Variants in GSE1 observed in about 807,000 individuals in gnomAD.
GSE1 encodes the protein Gse1 coiled-coil protein.
A neutral mutation model predicts 112.6 loss-of-function variants in GSE1; 32 were observed. The ratio of observed to expected loss-of-function variants is 0.28; its 90% CI spans 0.21 to 0.38. The LOEUF (loss-of-function observed/expected upper bound fraction) is 0.38. Among genes scored for constraint, GSE1 ranks in the 10% least tolerant of loss-of-function variants. GSE1 has a pLI of 1.00. For missense variants in GSE1, 2,348 were observed against 1,699.2 expected, an observed-to-expected ratio of 1.38 and a Z score of -6.71; for synonymous variants, 1,115 against 735.6, an observed-to-expected ratio of 1.52 and a Z score of -8.35.
chr16:85,536,193 T>C (rs7498829), intron 2 of GSE1, among the ~76,000 whole-genome samples: 128,641 of 152,300 alleles, frequency 0.84, 54,472 homozygotes, highest in East Asian at 0.93. Flanking sequence ...GCTTCTGTGG[T>C]TGAAGGCCAG....
intron 1 of GSE1, among the ~76,000 whole-genome samples, chr16:85,342,945 A>T (rs2046656126): frequency 6.6e-6 from 1 of 151,678 alleles, no homozygotes; most frequent in Non-Finnish European, 1.5e-5. Context: ...GCCAGCAGAG[A>T]AAGCCGGGCA....
At chr16:85,441,562 G>A (rs1428878872) in intron 2 of GSE1, among the ~76,000 whole-genome samples, 2 of 152,202 alleles carry the variant, frequency 1.3e-5, no homozygotes, top group Admixed American at 6.5e-5. Context: ...GGCTGAAATC[G>A]CTTCAACCTG....
At chr16:85,364,888 C>T (rs1290906178) in intron 2 of GSE1, among the ~76,000 whole-genome samples, 12 of 152,204 alleles carry the variant, frequency 7.9e-5, no homozygotes, top group Admixed American at 5.9e-4. Context: ...TGAGACGGCA[C>T]GGGTCAGAGG....
At chr16:85,631,723 A>C (rs562973889) in intron 1 of GSE1, among the ~76,000 whole-genome samples, 2 of 152,320 alleles carry the variant, frequency 1.3e-5, no homozygotes, top group East Asian at 3.9e-4. Context: ...GAGTGACCTC[A>C]TGAGGTCAGC....
At chr16:85,269,787 C>T (rs951108326) in intron 1 of GSE1, among the ~76,000 whole-genome samples, 1 of 149,178 alleles carries the variant, frequency 6.7e-6, no homozygotes, top group Non-Finnish European at 1.5e-5. Context: ...CTCTGGGCTC[C>T]TCCCCTGGGG....
In GSE1 at chr16:85,331,355, G is replaced by GTA. The variant is rs1467067903; in HGVS notation, c.2284-26107_2284-26106insAT. On this transcript the variant is annotated intron_variant, in intron 1 of 2. Transcript: ENST00000637419. ...TGTGTGTGTGTGTGTGTGTGTGTGTGTGTGTGTGTGTATATATGTATATAT... is the reference window on the plus strand; with the variant it reads ...TGTGTGTGTGTGTGTGTGTGTGTGTGTATGTGTGTGTGTATATATGTATATAT... 4.2e-4 allele frequency among the ~76,000 whole-genome samples: 24 copies of GTA among 57,344 alleles called. 6 individuals are homozygous for GTA. Among genetic ancestry groups the GTA allele is most frequent in the Non-Finnish European group, 8.6e-4 (20 of 23,222 alleles). 37.6% of individuals were successfully genotyped at this position (57,344 alleles called of 152,430 possible).
chr16:85,363,765 T>C (rs532012435), intron 2 of GSE1, among the ~76,000 whole-genome samples: 85 of 143,272 alleles, frequency 5.9e-4, no homozygotes, highest in African/African-American at 2.1e-3. Flanking sequence ...AGCCTCTCCC[T>C]GTGGTCTGGG....
chr16:85,645,737 C>T (rs985560634), intron 2 of GSE1, among the ~76,000 whole-genome samples: 1 of 152,192 alleles, frequency 6.6e-6, no homozygotes, highest in African/African-American at 2.4e-5. Context: ...CAGGTCTGAA[C>T]AGAAGTCGGG....
intron 14 of GSE1, chr16:85,670,745 T>G: frequency 7.1e-6 from 2 of 283,522 alleles, no homozygotes; most frequent in Non-Finnish European, 1.3e-5. Context: ...TCCTAATCTG[T>G]ATCAAATTGC....
chr16:85,482,010 G>C (rs2050695799), intron 2 of GSE1, among the ~76,000 whole-genome samples: 1 of 152,270 alleles, frequency 6.6e-6, no homozygotes, highest in African/African-American at 2.4e-5. Context: ...GCCCCTTGCA[G>C]GCGGGCCATC....
intron 2 of GSE1, among the ~76,000 whole-genome samples, chr16:85,501,001 T>TTTTTTTTGTTTTTTTG (rs2051344311): frequency 8.0e-6 from 1 of 125,704 alleles, no homozygotes; most frequent in African/African-American, 3.4e-5. Context: ...CTGTTCTGTT[T>TTTTTTTTGTTTTTTTG]TTTTTTTTTT....
intron 1 of GSE1, among the ~76,000 whole-genome samples, chr16:85,331,661 A>ATGTGTGTG (rs1159802556): frequency 3.5e-5 from 3 of 85,344 alleles, no homozygotes; most frequent in Non-Finnish European, 6.6e-5. Context: ...ATATGTGTAT[A>ATGTGTGTG]TGTGTGTGTG....
rs538128516 is a variant in GSE1, at chr16:85,402,415, G to C, written c.2464+44772G>C. Among the ~76,000 whole-genome samples, 4 of 152,302 alleles carry C rather than the reference G, an allele frequency of 2.6e-5. No homozygotes were observed. In the East Asian group the frequency reaches 7.7e-4, roughly 29 times the overall value. The stretch of plus-strand genomic sequence containing the variant: ...GAAGGGAGCGCACAGCCTCAAGAAC[G>C]GGGCTGAGCGAATAGGGAAGGTCAT... On this transcript the variant is annotated intron_variant, in intron 2 of 2. Transcript: ENST00000637419.
At chr16:85,384,959 A>G (rs57711600) in intron 2 of GSE1, among the ~76,000 whole-genome samples, 2,118 of 152,378 alleles carry the variant, frequency 0.014, 33 homozygotes, top group African/African-American at 0.047. Flanking sequence ...CCAGCAGGTT[A>G]GCGTGCTGTG....
intron 2 of GSE1, among the ~76,000 whole-genome samples, chr16:85,636,270 G>A (rs1224431907): frequency 2.6e-5 from 4 of 152,218 alleles, no homozygotes; most frequent in African/African-American, 7.2e-5. Context: ...TGTGCCCATC[G>A]GTTCACTCAC....
At chr16:85,346,213 A>T (rs1280084207) in intron 1 of GSE1, among the ~76,000 whole-genome samples, 1 of 126,102 alleles carries the variant, frequency 7.9e-6, no homozygotes, top group Non-Finnish European at 1.6e-5. Context: ...GGGAAGATGG[A>T]TGCATAGATG....
chr16:85,292,033 C>A (rs1396505998), intron 1 of GSE1, among the ~76,000 whole-genome samples: 2 of 152,186 alleles, frequency 1.3e-5, no homozygotes, highest in African/African-American at 4.8e-5. Flanking sequence ...AGGTGCCGCC[C>A]CCCATATTCC....
Position 85,672,600 on chromosome 16 carries a change from G to T in GSE1, c.*61G>T. 1 of 1,180,810 alleles carries T rather than the reference G, an allele frequency of 8.5e-7. No individual in the cohort carries two copies. Among genetic ancestry groups the T allele is most frequent in the South Asian group, 1.9e-5 (1 of 51,922 alleles). 73.1% of individuals were successfully genotyped at this position (1,180,810 alleles called of 1,614,324 possible). On this transcript the variant is annotated 3_prime_UTR_variant, in exon 16 of 16. Transcript: ENST00000253458. ...GAAATATTATCTATTTTATTACCTTGAATATTTAATATTTTTCACTGGGAG... is the reference window on the plus strand; with the variant it reads ...GAAATATTATCTATTTTATTACCTTTAATATTTAATATTTTTCACTGGGAG...
intron 1 of GSE1, among the ~76,000 whole-genome samples, chr16:85,211,402 A>C: frequency 6.7e-6 from 1 of 149,558 alleles, no homozygotes; most frequent in Non-Finnish European, 1.5e-5. Context: ...CCACATCTTG[A>C]CTCCAGCCAA....
Sources: allele counts gnomAD v4.1 joint callset (sites outside exome capture counted in the v4.1 genomes callset), GRCh38; gene constraint gnomAD v4.1.1; transcripts MANE v1.5; gene names NCBI Gene and HGNC (gene_info 2026-07-23, HGNC 2026-07-21).